The following LRRC4C variants were observed in gnomAD, a reference collection of about 807,000 sequenced individuals.
LRRC4C encodes the protein leucine-rich repeat-containing protein 4C.
Under a neutral mutation model 33.6 loss-of-function variants are expected in LRRC4C, and 5 were observed. The ratio of observed to expected loss-of-function variants is 0.15; its 90% confidence interval spans 0.08 to 0.31. LRRC4C has a LOEUF of 0.31. Among genes scored for constraint, LRRC4C ranks in the 10% least tolerant of loss-of-function variants. The pLI, the probability that LRRC4C is intolerant of heterozygous loss-of-function variation, is 1.00. For synonymous variants in LRRC4C, 329 were observed against 302.0 expected (o/e 1.09, Z -0.93); for missense variants, 560 against 796.7 (o/e 0.70, Z 3.58).
intron 1 of LRRC4C, among the ~76,000 whole-genome samples, chr11:41,065,193 C>T (rs1330041126): frequency 2.7e-5 from 4 of 148,398 alleles, no homozygotes; most frequent in Admixed American, 6.9e-5. Context: ...GTCTGGAGTC[C>T]ACCCGGGAAC....
intron 3 of LRRC4C, among the ~76,000 whole-genome samples, chr11:40,450,304 T>G (rs947367831): frequency 2.6e-5 from 4 of 152,178 alleles, no homozygotes; most frequent in African/African-American, 9.7e-5. Flanking sequence ...TGTTTATGTG[T>G]TAAATAGTTT....
At chr11:40,296,988 T>G (rs1944547074) in intron 4 of LRRC4C, among the ~76,000 whole-genome samples, 2 of 152,188 alleles carry the variant, frequency 1.3e-5, no homozygotes, top group Non-Finnish European at 2.9e-5. Flanking sequence ...CTACTTTTGT[T>G]CTTCTCTGAT....
At chr11:41,326,426 G>A (rs548900948) in intron 1 of LRRC4C, among the ~76,000 whole-genome samples, 3 of 151,880 alleles carry the variant, frequency 2.0e-5, no homozygotes, top group South Asian at 4.2e-4. Flanking sequence ...GCCTATTGTG[G>A]GACTTCACCT....
intron 2 of LRRC4C, among the ~76,000 whole-genome samples, chr11:40,701,572 T>C (rs948352430): frequency 4.0e-5 from 6 of 150,886 alleles, no homozygotes; most frequent in African/African-American, 1.5e-4. Context: ...ATGGGTTTCA[T>C]ATTTATCATA....
chr11:40,168,750 G>A (rs1046059715), intron 5 of LRRC4C, among the ~76,000 whole-genome samples: 3 of 152,198 alleles, frequency 2.0e-5, no homozygotes, highest in Admixed American at 2.0e-4. Context: ...AATCTGGGCT[G>A]GCAGAGGAAA....
chr11:40,209,128 C>A (rs1010046648), intron 5 of LRRC4C, among the ~76,000 whole-genome samples: 3 of 152,150 alleles, frequency 2.0e-5, no homozygotes, highest in African/African-American at 7.2e-5. Flanking sequence ...AAGGGATTCA[C>A]ACACTAGTGA....
intron 3 of LRRC4C, among the ~76,000 whole-genome samples, chr11:40,443,760 C>T (rs747170984): frequency 4.6e-5 from 7 of 152,060 alleles, no homozygotes; most frequent in Non-Finnish European, 8.8e-5. Flanking sequence ...ATTTTAAAAA[C>T]GTATTTTCAA....
At chr11:40,219,391 A>G (rs913400933) in intron 5 of LRRC4C, among the ~76,000 whole-genome samples, 1 of 152,078 alleles carries the variant, frequency 6.6e-6, no homozygotes, top group Admixed American at 6.5e-5. Context: ...CAATCCACCC[A>G]TGTCTACCCT....
chr11:40,646,693 G>T (rs558317072), intron 3 of LRRC4C, among the ~76,000 whole-genome samples: 5 of 152,132 alleles, frequency 3.3e-5, no homozygotes, highest in African/African-American at 1.2e-4. Context: ...TGCAAGCTCC[G>T]CCCTCCGGGT....
At chr11:40,455,816 G>A (rs1223447063) in intron 3 of LRRC4C, among the ~76,000 whole-genome samples, 2 of 152,112 alleles carry the variant, frequency 1.3e-5, no homozygotes, top group East Asian at 3.9e-4. Context: ...GAACTGTATT[G>A]TGGGCATATT....
intron 1 of LRRC4C, among the ~76,000 whole-genome samples, chr11:41,284,971 T>C (rs558464172): frequency 6.6e-6 from 1 of 152,322 alleles, no homozygotes; most frequent in South Asian, 2.1e-4. Context: ...GCTCTAATCA[T>C]TTAGTTTCAT....
At chr11:40,346,419 G>A (rs142559401) in intron 3 of LRRC4C, among the ~76,000 whole-genome samples, 1,571 of 152,208 alleles carry the variant, frequency 0.01, 26 homozygotes, top group African/African-American at 0.036. Context: ...AGGAGCTAGA[G>A]GCCATTATTC....
intron 1 of LRRC4C, among the ~76,000 whole-genome samples, chr11:41,007,158 A>C (rs942831779): frequency 6.6e-6 from 1 of 152,200 alleles, no homozygotes; most frequent in African/African-American, 2.4e-5. Flanking sequence ...GTTCAAAAAC[A>C]AGTAAAAATC....
chr11:41,227,155 T>G (rs1310565489), intron 1 of LRRC4C, among the ~76,000 whole-genome samples: 1 of 152,130 alleles, frequency 6.6e-6, no homozygotes, highest in Non-Finnish European at 1.5e-5. Context: ...GGTTTCATGT[T>G]GCTGCTTCCT....
chr11:40,668,972 G>A (rs1943950348), intron 2 of LRRC4C, among the ~76,000 whole-genome samples: 4 of 152,138 alleles, frequency 2.6e-5, no homozygotes. Context: ...TTGGTTTGAT[G>A]TTCTAACCTC....
intron 1 of LRRC4C, among the ~76,000 whole-genome samples, chr11:41,239,941 A>G (rs1409814827): frequency 6.6e-6 from 1 of 152,192 alleles, no homozygotes; most frequent in Non-Finnish European, 1.5e-5. Context: ...AATCCTCTTG[A>G]TGATTTTTGA....
At chr11:40,899,150 T>TGAGGGACC (rs1956099210) in intron 2 of LRRC4C, among the ~76,000 whole-genome samples, 1 of 151,972 alleles carries the variant, frequency 6.6e-6, no homozygotes, top group Non-Finnish European at 1.5e-5. Flanking sequence ...TCATTCCAAG[T>TGAGGGACC]ATTGCCATTT....
intron 1 of LRRC4C, among the ~76,000 whole-genome samples, chr11:41,448,753 T>G (rs974434954): frequency 5.3e-5 from 8 of 152,250 alleles, no homozygotes; most frequent in Non-Finnish European, 1.2e-4. Flanking sequence ...ATATTTGATT[T>G]GTCCTGACAT....
intron 3 of LRRC4C, among the ~76,000 whole-genome samples, chr11:40,630,528 T>C (rs1202634621): frequency 6.6e-6 from 1 of 152,090 alleles, no homozygotes; most frequent in Non-Finnish European, 1.5e-5. Flanking sequence ...GGAAAAATGC[T>C]ATATAAAACA....
Sources: gnomAD v4.1 joint callset for allele counts (sites outside exome capture counted in the v4.1 genomes callset) on GRCh38, gnomAD v4.1.1 for gene constraint, MANE v1.5 for transcripts, NCBI Gene and HGNC (gene_info 2026-07-23, HGNC 2026-07-21) for gene names.